SPOCK3: variants seen among roughly 807,000 people sequenced by gnomAD.
The protein encoded by SPOCK3 is SPARC (osteonectin), cwcv and kazal like domains proteoglycan 3.
Under a neutral mutation model 56.6 loss-of-function variants are expected in SPOCK3, and 30 were observed. The ratio of observed to expected loss-of-function variants is 0.53; its 90% CI spans 0.40 to 0.72. The LOEUF (loss-of-function observed/expected upper bound fraction) is 0.72, where lower values mean the gene tolerates loss of function less well. SPOCK3 is among the 30% of genes least tolerant of loss of function. SPOCK3 has a pLI of 0.00. For missense variants in SPOCK3, 527 were observed against 530.0 expected, an observed-to-expected ratio of 0.99 and a Z score of 0.06; for synonymous variants, 196 against 183.3, an observed-to-expected ratio of 1.07 and a Z score of -0.56.
At chr4:167,030,064 G>T (rs1299113638) in intron 3 of SPOCK3, among the ~76,000 whole-genome samples, 1 of 140,574 alleles carries the variant, frequency 7.1e-6, no homozygotes. Context: ...TTTGTTTTTA[G>T]TGTTATTTTA....
chr4:167,099,616 A>G (rs1759458881), intron 2 of SPOCK3, among the ~76,000 whole-genome samples: 1 of 152,072 alleles, frequency 6.6e-6, no homozygotes, highest in Non-Finnish European at 1.5e-5. Flanking sequence ...TACATAATAA[A>G]TGCAAAGTTT....
chr4:166,818,850 G>A (rs890657169), intron 6 of SPOCK3, among the ~76,000 whole-genome samples: 8 of 152,008 alleles, frequency 5.3e-5, no homozygotes, highest in Admixed American at 4.6e-4. Flanking sequence ...AGAACCTTGC[G>A]AATTTTCTAT....
chr4:167,197,331 AG>A (rs1733051709), intron 2 of SPOCK3, among the ~76,000 whole-genome samples: 1 of 152,208 alleles, frequency 6.6e-6, no homozygotes, highest in East Asian at 1.9e-4. Flanking sequence ...GTACCTTCTC[AG>A]CTACTCAAAA....
Position 166,970,964 on chromosome 4 carries a change from G to C in SPOCK3, c.350+29385C>G, listed in dbSNP as rs559892901. ...GCTGGCCTCAAACCCCTGTACTCAA[G>C]GGATCCTCTCATCTCAGCTCCTGAG... On this transcript the variant is annotated intron_variant, in intron 4 of 10. Transcript: ENST00000357545. Among the ~76,000 whole-genome samples, 8 of 152,220 alleles carry C rather than the reference G, an allele frequency of 5.3e-5. No homozygotes were observed. In the East Asian group the frequency reaches 1.5e-3, roughly 29 times the overall value.
intron 4 of SPOCK3, among the ~76,000 whole-genome samples, chr4:166,951,425 T>C (rs1416500835): frequency 2.1e-5 from 3 of 140,234 alleles, no homozygotes; most frequent in Non-Finnish European, 4.5e-5. Context: ...GGAGCTGAAA[T>C]TGAGGCAAGA....
intron 8 of SPOCK3, among the ~76,000 whole-genome samples, chr4:166,752,254 C>CTTAA (rs1484022529): frequency 6.6e-6 from 1 of 152,024 alleles, no homozygotes; most frequent in Non-Finnish European, 1.5e-5. Context: ...GACTCCTGAG[C>CTTAA]TTAAGCAATC....
intron 3 of SPOCK3, among the ~76,000 whole-genome samples, chr4:167,023,631 C>G (rs1320449810): frequency 6.6e-6 from 1 of 151,880 alleles, no homozygotes; most frequent in African/African-American, 2.4e-5. Context: ...TATTTTTCCC[C>G]CTTTTTCTCT....
chr4:167,161,605 G>A (rs1765313417), intron 2 of SPOCK3, among the ~76,000 whole-genome samples: 1 of 152,114 alleles, frequency 6.6e-6, no homozygotes, highest in Non-Finnish European at 1.5e-5. Flanking sequence ...GGTTATTGCG[G>A]CACTATTCAC....
At chr4:167,210,939 T>G (rs1734812074) in intron 2 of SPOCK3, among the ~76,000 whole-genome samples, 1 of 152,222 alleles carries the variant, frequency 6.6e-6, no homozygotes, top group Non-Finnish European at 1.5e-5. Context: ...AGATCCTGCA[T>G]ATTTTGGAAA....
At chr4:166,999,067 T>G (rs527812936) in intron 4 of SPOCK3, among the ~76,000 whole-genome samples, 1 of 152,304 alleles carries the variant, frequency 6.6e-6, no homozygotes, top group East Asian at 1.9e-4. Context: ...CTTCACCCAT[T>G]TGTGCTTTCC....
chr4:167,046,450 CTTTTTT>C (rs67108499), intron 3 of SPOCK3, among the ~76,000 whole-genome samples: 28 of 53,700 alleles, frequency 5.2e-4, no homozygotes, highest in African/African-American at 1.2e-3. Context: ...TTCTGATATT[CTTTTTT>C]TTTTTTTTTT....
chr4:166,948,338 T>C (rs1742046867), intron 4 of SPOCK3, among the ~76,000 whole-genome samples: 1 of 152,162 alleles, frequency 6.6e-6, no homozygotes, highest in African/African-American at 2.4e-5. Flanking sequence ...AGACATTACT[T>C]TTATTTACTG....
chr4:166,848,722 A>G (rs1215963424), intron 6 of SPOCK3, among the ~76,000 whole-genome samples: 2 of 152,180 alleles, frequency 1.3e-5, no homozygotes, highest in African/African-American at 4.8e-5. Flanking sequence ...GTGATCACTG[A>G]TAAGATTCTG....
chr4:166,836,919 T>C (rs1375607820), intron 6 of SPOCK3, among the ~76,000 whole-genome samples: 1 of 152,208 alleles, frequency 6.6e-6, no homozygotes, highest in East Asian at 1.9e-4. Context: ...CTTAGTAATT[T>C]TCCATTCATT....
intron 6 of SPOCK3, among the ~76,000 whole-genome samples, chr4:166,851,863 C>T (rs1439041243): frequency 1.3e-5 from 2 of 151,852 alleles, no homozygotes; most frequent in Admixed American, 1.3e-4. Flanking sequence ...TTTATTGCGG[C>T]ATTATTCACA....
At chr4:166,983,012 A>C (rs1029845856) in intron 4 of SPOCK3, among the ~76,000 whole-genome samples, 1 of 152,142 alleles carries the variant, frequency 6.6e-6, no homozygotes, top group African/African-American at 2.4e-5. Context: ...AGAATTGTAC[A>C]ACTATATTGT....
At chr4:166,912,849 T>A in intron 4 of SPOCK3, 106 bp from the exon 5 acceptor site, 1 of 882,888 alleles carries the variant, frequency 1.1e-6, no homozygotes, top group East Asian at 3.0e-5. Context: ...TGAAGATACA[T>A]TAGAATCAAC....
At chr4:167,109,365 TATATATA>T (rs1760632182) in intron 2 of SPOCK3, among the ~76,000 whole-genome samples, 1 of 74,176 alleles carries the variant, frequency 1.3e-5, no homozygotes, top group Non-Finnish European at 2.3e-5. Context: ...TATATATTTA[TATATATA>T]TTTATATAAA....
At chr4:166,915,456 T>C (rs988043808) in intron 4 of SPOCK3, among the ~76,000 whole-genome samples, 2 of 152,204 alleles carry the variant, frequency 1.3e-5, no homozygotes, top group Non-Finnish European at 2.9e-5. Context: ...TAGATGAAGA[T>C]GTAACATTAA....
Sources: gnomAD v4.1 joint callset for allele counts (sites outside exome capture counted in the v4.1 genomes callset) on GRCh38, gnomAD v4.1.1 for gene constraint, MANE v1.5 for transcripts, NCBI Gene and HGNC (gene_info 2026-07-23, HGNC 2026-07-21) for gene names.